The following COL27A1 variants were observed in gnomAD, a reference collection of about 807,000 sequenced individuals.
COL27A1 encodes collagen alpha-1(XXVII) chain.
Under a neutral mutation model 251.3 loss-of-function variants are expected in COL27A1, and 106 were observed. The ratio of observed to expected loss-of-function variants is 0.42; its 90% confidence interval spans 0.36 to 0.50. The LOEUF (loss-of-function observed/expected upper bound fraction) is 0.50. COL27A1 is among the 20% of genes least tolerant of loss of function. The probability of loss-of-function intolerance (pLI) is 0.00; values close to 1 mark genes in which losing one functional copy is unlikely to be tolerated. For missense variants in COL27A1, 2,325 were observed against 2,522.8 expected (o/e 0.92, Z 1.68); for synonymous variants, 1,000 against 986.3 (o/e 1.01, Z -0.26).
At chr9:114,206,503 G>A (rs1401518020) in intron 10 of COL27A1, among the ~76,000 whole-genome samples, 1 of 152,232 alleles carries the variant, frequency 6.6e-6, no homozygotes, top group Non-Finnish European at 1.5e-5. Flanking sequence ...TGGCCAAGAA[G>A]TCTGGGAAGT....
intron 2 of COL27A1, 62 bp downstream of exon 2, chr9:114,162,847 C>T: frequency 3.2e-6 from 4 of 1,234,934 alleles, no homozygotes; most frequent in Non-Finnish European, 4.7e-6. Flanking sequence ...CCTGAGAACT[C>T]AGGGGTAGGA....
At chr9:114,206,671 G>A (rs1829984859) in intron 10 of COL27A1, among the ~76,000 whole-genome samples, 1 of 152,196 alleles carries the variant, frequency 6.6e-6, no homozygotes. Context: ...GCTCCCAAAT[G>A]AGGGCTGGGG....
upstream of COL27A1, among the ~76,000 whole-genome samples, chr9:114,155,248 AC>A (rs1403789169): frequency 6.6e-6 from 1 of 151,260 alleles, no homozygotes; most frequent in Non-Finnish European, 1.5e-5. The surrounding 1 kb of genome is among the most constrained non-coding windows in gnomAD (Gnocchi z 5.5). Flanking sequence ...CCATTGGAGG[AC>A]CCCCAGCCTC....
chr9:114,182,990 CT>C (rs1376715926), intron 4 of COL27A1, 31 bp from the exon 5 acceptor site: 11 of 1,605,830 alleles, frequency 6.9e-6, no homozygotes, highest in Admixed American at 3.4e-5. Context: ...TTTTTGTCAC[CT>C]TTTTTTGTTT....
intron 34 of COL27A1, chr9:114,268,715 T>C (rs910909440): frequency 6.6e-6 from 1 of 152,248 alleles, no homozygotes; most frequent in Admixed American, 6.5e-5. Context: ...AAGTCAGATA[T>C]GTTAATATAA....
chr9:114,180,500 C>T (rs770054895), intron 4 of COL27A1, among the ~76,000 whole-genome samples: 4 of 152,124 alleles, frequency 2.6e-5, no homozygotes, highest in Non-Finnish European at 4.4e-5. Context: ...TCTCCCTGCC[C>T]GCCGTCCCAC....
Position 114,270,664 on chromosome 9 carries a change from G to A in COL27A1, c.3556-64G>A, listed in dbSNP as rs1470615219. On this transcript the variant is annotated intron_variant, in intron 35 of 60. Transcript: ENST00000356083. ...CCTGCCCCAGGGAGGGGGAAGAGAG[G>A]AAAAGCACACCGGGGCCTCCTCCCC... 3 of 1,345,882 alleles carry A rather than the reference G, an allele frequency of 2.2e-6. No homozygotes were observed. The African/African-American group carries it at 4.4e-5, about 20-fold the overall frequency. 83.4% of individuals were successfully genotyped at this position (1,345,882 alleles called of 1,614,324 possible).
rs573614009 is a variant in COL27A1, at chr9:114,240,167, T to C, written c.2728-53T>C. 259 of 1,496,106 alleles carry C rather than the reference T, an allele frequency of 1.7e-4. 2 individuals carry two copies. The highest frequency in any genetic ancestry group is 1.4e-5 in the African/African-American group (1 of 73,306). The allele number at this position is 1,496,106 out of a possible 1,614,324, so 92.7% of individuals were successfully genotyped here. A position where few individuals can be genotyped will look rare whatever the true frequency, so the allele number is the denominator to read the frequency against. The stretch of plus-strand genomic sequence containing the variant: ...AGTCTCCCTGCAAGACGCATCCCCG[T>C]AGCACTCCCTTCACAGCCCCCGTGG... On this transcript the variant is annotated intron_variant, in intron 19 of 60. Transcript: ENST00000356083.
At chr9:114,237,910 C>A (rs115325905) in intron 19 of COL27A1, among the ~76,000 whole-genome samples, 195 bp downstream of exon 19, 1,656 of 152,346 alleles carry the variant, frequency 0.011, 43 homozygotes, top group African/African-American at 0.037. Flanking sequence ...CTCAGGGGCT[C>A]TCAAAAGTCA....
At chr9:114,209,763 G>T in intron 11 of COL27A1, 35 bp downstream of exon 11, 1 of 1,600,592 alleles carries the variant, frequency 6.2e-7, no homozygotes. Context: ...ACCATCCACA[G>T]CCACCCCTGC....
At chr9:114,295,603 C>T (rs1247540175) in intron 49 of COL27A1, among the ~76,000 whole-genome samples, 2 of 152,138 alleles carry the variant, frequency 1.3e-5, no homozygotes, top group Non-Finnish European at 2.9e-5. Context: ...ATCAAAGGAA[C>T]AGAATGAAAG....
At chr9:114,235,135 CAT>C (rs1296991624) in intron 16 of COL27A1, among the ~76,000 whole-genome samples, 1 of 150,978 alleles carries the variant, frequency 6.6e-6, no homozygotes, top group East Asian at 1.9e-4. Flanking sequence ...GAAACTCCCA[CAT>C]GAGGAGGAAG....
intron 41 of COL27A1, among the ~76,000 whole-genome samples, 200 bp downstream of exon 41, chr9:114,284,977 T>C (rs1257345401): frequency 1.3e-5 from 2 of 152,258 alleles, no homozygotes; most frequent in African/African-American, 4.8e-5. Context: ...CAGCACTATG[T>C]GCTGGGTATC....
chr9:114,237,398 C>G (rs1410822976), intron 18 of COL27A1, among the ~76,000 whole-genome samples: 2 of 152,312 alleles, frequency 1.3e-5, no homozygotes, highest in South Asian at 4.1e-4. Context: ...TGCCAACTAC[C>G]CCAGGAGTGA....
chr9:114,218,053 G>A (rs1821381451), intron 12 of COL27A1: 1 of 352,126 alleles, frequency 2.8e-6, no homozygotes. Context: ...GTTGCAGTGA[G>A]CAGTTATCAC....
chr9:114,248,198 C>G (rs1460991271), intron 24 of COL27A1, among the ~76,000 whole-genome samples: 2 of 152,230 alleles, frequency 1.3e-5, no homozygotes, highest in Non-Finnish European at 2.9e-5. Flanking sequence ...CCTGGCCTGT[C>G]TCTAACAGAG....
At chr9:114,288,564 C>T (rs1473723990) in intron 42 of COL27A1, 53 bp downstream of exon 42, 2 of 1,563,950 alleles carry the variant, frequency 1.3e-6, no homozygotes, top group Non-Finnish European at 1.7e-6. Context: ...GAATCTGAGC[C>T]TCCCGCTGCA....
chr9:114,240,307 G>T, intron 20 of COL27A1, 34 bp downstream of exon 20: 1 of 1,584,868 alleles, frequency 6.3e-7, no homozygotes, highest in Non-Finnish European at 8.6e-7. Flanking sequence ...CCAGTTGGAG[G>T]AGCAGACAGC....
At chr9:114,301,614 G>C in intron 54 of COL27A1, 68 bp from the exon 55 acceptor site, 2 of 1,536,558 alleles carry the variant, frequency 1.3e-6, no homozygotes, top group South Asian at 2.4e-5. Context: ...TGCTTGAGGA[G>C]GGACTGGGTT....
Sources: allele counts gnomAD v4.1 joint callset (sites outside exome capture counted in the v4.1 genomes callset), GRCh38; gene constraint gnomAD v4.1.1; non-coding constraint Gnocchi (gnomAD v3.1); transcripts MANE v1.5; gene names NCBI Gene and HGNC (gene_info 2026-07-23, HGNC 2026-07-21).